VDAC3: variants seen among roughly 807,000 people sequenced by gnomAD.
VDAC3 encodes the protein voltage dependent anion channel 3.
Under a neutral mutation model 33.9 loss-of-function variants are expected in VDAC3, and 7 were observed. The observed-to-expected ratio is 0.21, with a 90% CI of 0.12 to 0.39. The LOEUF is 0.39. VDAC3 is among the 10% of genes least tolerant of loss of function. The probability of loss-of-function intolerance (pLI) is 1.00; values close to 1 mark genes in which losing one functional copy is unlikely to be tolerated. For synonymous variants in VDAC3, 100 were observed against 122.4 expected (o/e 0.82, Z 1.21); for missense variants, 261 against 334.5 (o/e 0.78, Z 1.71).
chr8:42,402,303 T>A (rs1802429335), intron 7 of VDAC3: 1 of 461,554 alleles, frequency 2.2e-6, no homozygotes. Context: ...GCTTACCTCA[T>A]GGTAAGATGA....
Position 42,401,685 on chromosome 8 carries a change from A to G in VDAC3, c.324-103A>G, listed in dbSNP as rs1049600890. 3.0e-6 allele frequency: 3 copies of G among 988,724 alleles called. No homozygotes were observed. The African/African-American group carries it at 4.9e-5, about 16-fold the overall frequency. 61.2% of individuals were successfully genotyped at this position (988,724 alleles called of 1,614,324 possible). A position where few individuals can be genotyped will look rare whatever the true frequency, so the allele number is the denominator to read the frequency against. On this transcript the variant is annotated intron_variant, in intron 6 of 9. Transcript: ENST00000022615. ...TGTGGCATGTACCAAAATAATATTT[A>G]CATTGGGAGATGAGAGAGAGGATCT...
At position 42,405,400 on chromosome 8, in the gene VDAC3, G is replaced by T; in HGVS notation, c.790G>T (p.Asp264Tyr). 1 of 1,612,844 alleles carries T rather than the reference G, an allele frequency of 6.2e-7. No individual in the cohort carries two copies. Among genetic ancestry groups the T allele is most frequent in the South Asian group, 1.1e-5 (1 of 90,996 alleles). ...CAAATTGACTTTATCAGCTTTAATCGATGGGAAGAACTTCAGTGCAGGAGG... is the reference window on the plus strand; with the variant it reads ...CAAATTGACTTTATCAGCTTTAATCTATGGGAAGAACTTCAGTGCAGGAGG... Reference protein sequence around the residue: ...GVKLTLSALIDGKNFSAGGHK... With the variant: ...GVKLTLSALIYGKNFSAGGHK... Residue 264 changes from aspartate (D) to tyrosine (Y), a missense_variant, in exon 10 of 10, where the codon GAT becomes TAT. Coordinates refer to ENST00000022615, the MANE Select transcript of VDAC3 (RefSeq NM_005662.7).
chr8:42,405,596 CCCACACTG>C lies in VDAC3; in HGVS notation c.*135_*142del. On this transcript the variant is annotated 3_prime_UTR_variant, in exon 10 of 10. Coordinates refer to ENST00000022615, the MANE Select transcript of VDAC3 (RefSeq NM_005662.7). ...ATTCTTCCAAAGAATTGTAATCCTC[CCCACACTG>C]AAGTCTAGGGGTTGCGAATCCCTCC... 3 of 737,366 alleles carry C rather than the reference CCCACACTG, an allele frequency of 4.1e-6. No individual in the cohort carries two copies. In the East Asian group the frequency reaches 8.3e-5, roughly 20 times the overall value. The allele number at this position is 737,366 out of a possible 1,614,324, so 45.7% of individuals were successfully genotyped here.
rs769095564 is a variant in VDAC3 at position 42,404,943 on chromosome 8, A to G, written c.760+19A>G. 6.2e-7 allele frequency: 1 copy of G among 1,610,506 alleles called. No homozygotes were observed. The highest frequency in any genetic ancestry group is 8.5e-7 in the Non-Finnish European group (1 of 1,177,018). On this transcript the variant is annotated intron_variant, in intron 9 of 9. Coordinates refer to ENST00000022615, the MANE Select transcript of VDAC3 (RefSeq NM_005662.7). The stretch of plus-strand genomic sequence containing the variant: ...CGACCAGGTAAGTAAAGGAATTAGT[A>G]ACAGAGGGGTTGAGGTGGAAGGTGA...
At chr8:42,404,743 TCAG>T in intron 8 of VDAC3, 121 bp from the exon 9 acceptor site, 1 of 432,956 alleles carries the variant, frequency 2.3e-6, no homozygotes, top group Non-Finnish European at 3.7e-6. Context: ...AAAAAAAAAA[TCAG>T]TAATTCTAGA....
At chr8:42,397,615 A>G (rs1354044729) in intron 4 of VDAC3, 3 of 152,220 alleles carry the variant, frequency 2.0e-5, no homozygotes, top group Non-Finnish European at 4.4e-5. Context: ...TTATTGTCAT[A>G]TGACTTAAAG....
At chr8:42,396,648 T>C (rs779511070) in intron 4 of VDAC3, 94 of 692,026 alleles carry the variant, frequency 1.4e-4, no homozygotes, top group Middle Eastern at 2.3e-4. Context: ...CTCCCTTTCA[T>C]GCTGCTGTTG....
At chr8:42,392,138 T>A (rs978709694) in intron 1 of VDAC3, among the ~76,000 whole-genome samples, 21 of 152,150 alleles carry the variant, frequency 1.4e-4, no homozygotes, top group African/African-American at 4.8e-4. Context: ...GCAAGTGGCC[T>A]CCGGGCGCGG....
At chr8:42,394,830 T>G (rs2130885682) in intron 3 of VDAC3, among the ~76,000 whole-genome samples, 1 of 152,344 alleles carries the variant, frequency 6.6e-6, no homozygotes, top group Non-Finnish European at 1.5e-5. Context: ...CTTGGAATAG[T>G]GCATATTCCT....
chr8:42,399,638 C>CT lies in VDAC3; in HGVS notation c.271-10dup, dbSNP rs752680257. On this transcript the variant is annotated splice_polypyrimidine_tract_variant and intron_variant, in intron 5 of 9. Transcript: ENST00000022615. The stretch of plus-strand genomic sequence containing the variant: ...AAATTACTAATTATTTATTTTAAAT[C>CT]TTTGTTTTTCAGTTGGCTGAAGGGT... 1 of 1,604,402 alleles carries CT rather than the reference C, an allele frequency of 6.2e-7. No homozygotes were observed. The highest frequency in any genetic ancestry group is 1.7e-5 in the Admixed American group (1 of 59,710).
At chr8:42,397,887 C>G (rs764923033) in intron 4 of VDAC3, among the ~76,000 whole-genome samples, 1 of 152,058 alleles carries the variant, frequency 6.6e-6, no homozygotes, top group Non-Finnish European at 1.5e-5. Flanking sequence ...TACTTAATGC[C>G]ACTTCACTGT....
rs765375731 is a variant in VDAC3, at chr8:42,394,227, A to G, written c.16A>G (p.Thr6Ala). MCNTP[T>A]YCDLGKAAKD... is the part of the protein sequence containing the mutation. ...TTTATAAGATATGTGTAACACACCA[A>G]CGTACTGTGACCTAGGAAAGGCTGC... The change falls in exon 3 of 10, where the codon ACG (threonine) becomes GCG (alanine). Residue 6 changes from threonine (T) to alanine (A), a missense_variant. Coordinates refer to ENST00000022615, the MANE Select transcript of VDAC3 (RefSeq NM_005662.7). 5.0e-6 allele frequency: 8 copies of G among 1,613,724 alleles called. No homozygotes were observed. Among genetic ancestry groups the G allele is most frequent in the East Asian group, 2.2e-5 (1 of 44,840 alleles).
intron 7 of VDAC3, among the ~76,000 whole-genome samples, chr8:42,402,550 A>G (rs547710525): frequency 1.8e-4 from 27 of 152,340 alleles, no homozygotes; most frequent in African/African-American, 6.5e-4. Flanking sequence ...TGTAGGCTGC[A>G]CCATGTTGGT....
chr8:42,402,503 G>A (rs776345745), intron 7 of VDAC3, among the ~76,000 whole-genome samples: 4 of 152,192 alleles, frequency 2.6e-5, no homozygotes, highest in Non-Finnish European at 4.4e-5. Context: ...GCATTCAGAA[G>A]TAACAGGTGC....
chr8:42,405,458 C>T lies in VDAC3; in HGVS notation c.848C>T (p.Ala283Val), dbSNP rs1802482596. The T allele has an allele frequency of 6.2e-7, 1 of 1,611,550 alleles. No individual in the cohort carries two copies. The highest frequency in any genetic ancestry group is 1.3e-5 in the African/African-American group (1 of 74,844). Reference protein sequence around the residue: ...HKVGLGFELEA With the variant: ...HKVGLGFELEV ...GTTGGCTTGGGATTTGAACTGGAAG[C>T]TTAATGTGGTTTGAGGAAAGCATCA... The change falls in exon 10 of 10, where the codon GCT becomes GTT. Residue 283 changes from alanine (A) to valine (V), a missense_variant. By Grantham distance (64) the Ala-to-Val change is moderately conservative (BLOSUM62 0). Coordinates refer to ENST00000022615, the MANE Select transcript of VDAC3 (RefSeq NM_005662.7).
intron 4 of VDAC3, 75 bp downstream of exon 4, chr8:42,395,208 A>G (rs1045793666): frequency 3.6e-5 from 57 of 1,587,798 alleles, no homozygotes; most frequent in Middle Eastern, 1.7e-4. Context: ...ATGACAGTCT[A>G]GTTACTTGAA....
intron 1 of VDAC3, among the ~76,000 whole-genome samples, 178 bp downstream of exon 1, chr8:42,392,106 G>A (rs1472915511): frequency 2.0e-5 from 3 of 152,152 alleles, no homozygotes; most frequent in Non-Finnish European, 4.4e-5. Flanking sequence ...CACCTCAGGC[G>A]ATGGAGCCGC....
intron 3 of VDAC3, among the ~76,000 whole-genome samples, chr8:42,394,556 TTGTC>T (rs1254758442): frequency 3.9e-5 from 6 of 152,334 alleles, no homozygotes; most frequent in Middle Eastern, 3.4e-3. Context: ...TTATGTCTCT[TTGTC>T]TGGCCCTGAG....
Position 42,405,326 on chromosome 8 carries a change from T to C in VDAC3, c.761-45T>C, listed in dbSNP as rs763881717. 6 of 1,497,770 alleles carry C rather than the reference T, an allele frequency of 4.0e-6. No homozygotes were observed. The South Asian group carries it at 6.8e-5, about 17-fold the overall frequency. 92.8% of individuals were successfully genotyped at this position (1,497,770 alleles called of 1,614,324 possible). On this transcript the variant is annotated intron_variant, in intron 9 of 9. Coordinates refer to ENST00000022615, the MANE Select transcript of VDAC3 (RefSeq NM_005662.7). ...TTGTTTCTAGAAAGTTCAGATCTAA[T>C]TGTAATACTTGTTTCAAGTGATTGT...
Sources: gnomAD v4.1 joint callset for allele counts (sites outside exome capture counted in the v4.1 genomes callset) on GRCh38, gnomAD v4.1.1 for gene constraint, MANE v1.5 for transcripts, NCBI Gene and HGNC (gene_info 2026-07-23, HGNC 2026-07-21) for gene names.